Variants in UBE3D observed in about 807,000 individuals in gnomAD.
UBE3D encodes E3 ubiquitin-protein ligase E3D.
A neutral mutation model predicts 49.6 loss-of-function variants in UBE3D; 48 were observed. That is an observed-to-expected ratio of 0.97 (90% CI 0.77 to 1.23). The LOEUF is 1.23. UBE3D is among the 50% of genes most tolerant of loss of function. UBE3D has a pLI of 0.00. For missense variants in UBE3D, 452 were observed against 468.4 expected (o/e 0.96, Z 0.32); for synonymous variants, 189 against 174.2 (o/e 1.08, Z -0.67).
At position 82,995,510 on chromosome 6, in the gene UBE3D, A is replaced by G. The variant is rs12199195; in HGVS notation, c.1010+23463T>C. On this transcript the variant is annotated intron_variant, in intron 8 of 9. Coordinates refer to ENST00000369747, the MANE Select transcript of UBE3D (RefSeq NM_198920.3). Reference sequence around the variant, plus strand: ...AACAATCACACACACACACACACACACACACAGTCACCAACTTAAGTAAGC... The same window carrying G: ...AACAATCACACACACACACACACACGCACACAGTCACCAACTTAAGTAAGC... Among the ~76,000 whole-genome samples, 10 of 151,672 alleles carry G rather than the reference A, an allele frequency of 6.6e-5. 1 individual carries two copies. The highest frequency in any genetic ancestry group is 3.9e-4 in the East Asian group (2 of 5,142).
intron 5 of UBE3D, chr6:83,036,396 CTTTAA>C (rs1782258771): frequency 6.6e-6 from 1 of 151,676 alleles, no homozygotes; most frequent in Admixed American, 6.6e-5. Context: ...TCTTCCAATT[CTTTAA>C]TTTTTTTTTT....
intron 4 of UBE3D, among the ~76,000 whole-genome samples, chr6:83,039,869 T>A (rs899010348): frequency 3.9e-5 from 6 of 152,102 alleles, no homozygotes; most frequent in African/African-American, 1.4e-4. Flanking sequence ...CTTGAACTCC[T>A]GACCTCGTGA....
At chr6:83,050,312 A>G (rs1371193200) in intron 3 of UBE3D, among the ~76,000 whole-genome samples, 2 of 152,092 alleles carry the variant, frequency 1.3e-5, no homozygotes, top group East Asian at 3.9e-4. Flanking sequence ...AAAGTACATG[A>G]AACCCCAAAT....
At chr6:83,028,292 G>A (rs369114457) in intron 5 of UBE3D, among the ~76,000 whole-genome samples, 1 of 152,040 alleles carries the variant, frequency 6.6e-6, no homozygotes, top group Non-Finnish European at 1.5e-5. Flanking sequence ...ATTTATCTTT[G>A]GTTGCATGGT....
intron 8 of UBE3D, among the ~76,000 whole-genome samples, chr6:82,982,390 A>AATTAACTTTCTAAATTT (rs1485635471): frequency 6.6e-6 from 1 of 152,204 alleles, no homozygotes; most frequent in Non-Finnish European, 1.5e-5. Context: ...TTTCTTTGAG[A>AATTAACTTTCTAAATTT]TCCAAATAAG....
At chr6:82,993,968 A>C (rs1779072821) in intron 8 of UBE3D, among the ~76,000 whole-genome samples, 1 of 152,216 alleles carries the variant, frequency 6.6e-6, no homozygotes, top group Non-Finnish European at 1.5e-5. Context: ...TCTGTGATAA[A>C]ATTAGCAAGG....
At chr6:83,010,621 C>T (rs1314506413) in intron 8 of UBE3D, among the ~76,000 whole-genome samples, 1 of 152,082 alleles carries the variant, frequency 6.6e-6, no homozygotes, top group Non-Finnish European at 1.5e-5. Flanking sequence ...GGAGTATTAA[C>T]TCACATGATC....
At chr6:83,028,376 G>A (rs1183844622) in intron 5 of UBE3D, among the ~76,000 whole-genome samples, 1 of 152,092 alleles carries the variant, frequency 6.6e-6, no homozygotes, top group Non-Finnish European at 1.5e-5. Context: ...AGGTGATTTT[G>A]CCAGGCACCT....
chr6:83,057,750 A>G (rs960892136), intron 2 of UBE3D, 76 bp downstream of exon 2: 1 of 1,493,132 alleles, frequency 6.7e-7, no homozygotes, highest in African/African-American at 1.4e-5. Flanking sequence ...GAAAAGTTCA[A>G]CTTATCAAAG....
downstream of UBE3D, among the ~76,000 whole-genome samples, chr6:82,889,850 A>G (rs527809136): frequency 2.6e-4 from 39 of 151,830 alleles, no homozygotes; most frequent in African/African-American, 9.2e-4. Context: ...CACTGAATGA[A>G]CAAACCTATA....
intron 8 of UBE3D, among the ~76,000 whole-genome samples, chr6:83,013,041 G>C (rs1158567781): frequency 6.6e-6 from 1 of 152,162 alleles, no homozygotes; most frequent in Non-Finnish European, 1.5e-5. Context: ...GGTAGGAATG[G>C]AGACCATGGG....
At chr6:83,035,993 A>T (rs1019534186) in intron 5 of UBE3D, 5 of 150,672 alleles carry the variant, frequency 3.3e-5, no homozygotes, top group Non-Finnish European at 7.4e-5. Context: ...AGGAAACTTA[A>T]CTGATTACAT....
the UBE3D span, among the ~76,000 whole-genome samples, chr6:82,886,973 G>T: frequency 6.6e-6 from 1 of 152,030 alleles, no homozygotes; most frequent in African/African-American, 2.4e-5. Flanking sequence ...ACAATTCAGA[G>T]AATTTATAGT....
intron 9 of UBE3D, among the ~76,000 whole-genome samples, chr6:82,914,909 G>A (rs1772805002): frequency 1.1e-5 from 1 of 89,588 alleles, no homozygotes. Flanking sequence ...GAGGATAATG[G>A]AAATTACTTT....
chr6:82,951,006 A>C (rs1387799147), intron 9 of UBE3D, among the ~76,000 whole-genome samples: 1 of 152,138 alleles, frequency 6.6e-6, no homozygotes, highest in Non-Finnish European at 1.5e-5. Flanking sequence ...TGGATAAAAA[A>C]AAAAAAAGAA....
At chr6:83,036,665 G>C (rs1285396721) in intron 5 of UBE3D, 1 of 150,728 alleles carries the variant, frequency 6.6e-6, no homozygotes, top group Non-Finnish European at 1.5e-5. Context: ...CTGAGAGAAA[G>C]TTCTTGGGTA....
rs934938685 is a variant in UBE3D, at chr6:82,934,303, G to A, written c.1149+23009C>T. 7.2e-5 allele frequency among the ~76,000 whole-genome samples: 11 copies of A among 152,108 alleles called. 1 individual carries two copies. In the South Asian group the frequency reaches 1.0e-3, roughly 14 times the overall value. ...CTTTATAAATTATCCAGCCTAAGGCGGTTCTTTATAGCAGTGTGAGAATGG... is the reference window on the plus strand; with the variant it reads ...CTTTATAAATTATCCAGCCTAAGGCAGTTCTTTATAGCAGTGTGAGAATGG... On this transcript the variant is annotated intron_variant, in intron 9 of 9. Transcript: ENST00000369747.
chr6:83,004,506 A>C (rs1222050310), intron 8 of UBE3D, among the ~76,000 whole-genome samples: 1 of 152,204 alleles, frequency 6.6e-6, no homozygotes, highest in Non-Finnish European at 1.5e-5. Context: ...CCCACACTGC[A>C]AAGTCAGTGT....
chr6:82,965,160 A>G (rs1345519557), intron 8 of UBE3D, among the ~76,000 whole-genome samples: 1 of 152,240 alleles, frequency 6.6e-6, no homozygotes, highest in Non-Finnish European at 1.5e-5. Context: ...CATTTAAATA[A>G]GATACCAATA....
Sources: gnomAD v4.1 joint callset for allele counts (sites outside exome capture counted in the v4.1 genomes callset) on GRCh38, gnomAD v4.1.1 for gene constraint, MANE v1.5 for transcripts, NCBI Gene and HGNC (gene_info 2026-07-23, HGNC 2026-07-21) for gene names.